The following CTDP1 variants were observed in gnomAD, a reference collection of about 807,000 sequenced individuals.
CTDP1 encodes RNA polymerase II subunit A C-terminal domain phosphatase.
In CTDP1, 47 loss-of-function variants were observed where a neutral mutation model predicts 91.8. That is an observed-to-expected ratio of 0.51 (90% CI 0.41 to 0.65). CTDP1 has a LOEUF of 0.65. Among genes scored for constraint, CTDP1 ranks in the 30% least tolerant of loss-of-function variants. The pLI is 0.00. For synonymous variants in CTDP1, 656 were observed against 598.5 expected (o/e 1.10, Z -1.40); for missense variants, 1,272 against 1,373.7 (o/e 0.93, Z 1.17).
intron 12 of CTDP1, among the ~76,000 whole-genome samples, chr18:79,748,790 T>A (rs1321154024): frequency 6.6e-6 from 1 of 152,122 alleles, no homozygotes; most frequent in Non-Finnish European, 1.5e-5. Flanking sequence ...CATGTCTGTG[T>A]GTGAGCCGTG....
chr18:79,704,632 GCA>G, intron 4 of CTDP1, 133 bp from the exon 5 acceptor site: 1 of 1,178,582 alleles, frequency 8.5e-7, no homozygotes, highest in Non-Finnish European at 1.2e-6. Flanking sequence ...CGCCTGTCGG[GCA>G]CACGCGTGTC....
chr18:79,706,134 C>G (rs73009322), intron 5 of CTDP1, among the ~76,000 whole-genome samples: 17,973 of 152,224 alleles, frequency 0.12, 1,471 homozygotes, highest in Non-Finnish European at 0.18. Flanking sequence ...GGGCCCTTAC[C>G]CAGGTGGGCC....
chr18:79,736,085 C>T lies in CTDP1; in HGVS notation c.2581-270C>T, dbSNP rs188504124. 7.1e-4 allele frequency: 387 copies of T among 541,484 alleles called. 1 individual carries two copies. The highest frequency in any genetic ancestry group is 2.0e-4 in the South Asian group (9 of 45,734). 33.5% of individuals were successfully genotyped at this position (541,484 alleles called of 1,614,324 possible). On this transcript the variant is annotated intron_variant, in intron 11 of 12. Transcript: ENST00000613122. ...CCAACAGTGCACCAGGAATAAAGTCCCTGTTCACATAAGGGACAGAAGGAA... is the reference window on the plus strand; with the variant it reads ...CCAACAGTGCACCAGGAATAAAGTCTCTGTTCACATAAGGGACAGAAGGAA...
Position 79,680,214 on chromosome 18 carries a change from C to T in CTDP1, c.267C>T (p.Gly89=), listed in dbSNP as rs1021090497. The T allele has an allele frequency of 1.5e-6, 2 of 1,372,886 alleles. No homozygotes were observed. Among genetic ancestry groups the T allele is most frequent in the South Asian group, 1.7e-5 (1 of 58,916 alleles). The allele number at this position is 1,372,886 out of a possible 1,614,324, so 85.0% of individuals were successfully genotyped here. The part of the protein sequence containing the change: ...PERRLRSERA[G]VVRELCAQPG... ...GCAGGCTGAGGTCGGAGCGCGCGGG[C>T]GTGGTGCGGGAGCTGTGCGCGCAGC... Residue 89 remains glycine (G), a synonymous_variant, in exon 1 of 13, where the codon GGC becomes GGT. Transcript: ENST00000613122.
rs553675153 is a variant in CTDP1 at position 79,727,526 on chromosome 18, G to A, written c.2418-1381G>A. Reference sequence around the variant, plus strand: ...TTGCGGCGTTCGTGGGATGGGAAGCGCGTGTTCACAGAGGGCCGCCGTGAA... The same window carrying A: ...TTGCGGCGTTCGTGGGATGGGAAGCACGTGTTCACAGAGGGCCGCCGTGAA... On this transcript the variant is annotated intron_variant, in intron 10 of 12. Coordinates refer to ENST00000613122, the MANE Select transcript of CTDP1 (RefSeq NM_004715.5). Among the ~76,000 whole-genome samples, 256 of 152,350 alleles carry A rather than the reference G, an allele frequency of 1.7e-3. 1 individual carries two copies. The highest frequency in any genetic ancestry group is 3.9e-3 in the South Asian group (19 of 4,830).
At chr18:79,741,768 G>A (rs905231570) in intron 12 of CTDP1, among the ~76,000 whole-genome samples, 16 of 152,214 alleles carry the variant, frequency 1.1e-4, no homozygotes, top group Admixed American at 3.3e-4. Flanking sequence ...GGAGGGTTGC[G>A]TGAGCTCCCA....
chr18:79,678,272 C>T (rs1314257684), upstream of CTDP1: 1 of 152,218 alleles, frequency 6.6e-6, no homozygotes, highest in Non-Finnish European at 1.5e-5. Flanking sequence ...CTGTGTTCAC[C>T]TCTTTAAACT....
intron 1 of CTDP1, among the ~76,000 whole-genome samples, chr18:79,684,237 A>G (rs1185492076): frequency 6.6e-6 from 1 of 152,256 alleles, no homozygotes; most frequent in Non-Finnish European, 1.5e-5. Context: ...CAGCATGCTC[A>G]CAGTGCCGAG....
intron 5 of CTDP1, among the ~76,000 whole-genome samples, chr18:79,707,144 T>A (rs891725103): frequency 1.3e-5 from 2 of 152,186 alleles, no homozygotes; most frequent in African/African-American, 4.8e-5. Flanking sequence ...TTTAAATGCT[T>A]GGCTGGAGGG....
chr18:79,697,467 C>T (rs1278617981), intron 3 of CTDP1, among the ~76,000 whole-genome samples: 2 of 152,216 alleles, frequency 1.3e-5, no homozygotes, highest in African/African-American at 2.4e-5. Flanking sequence ...AGATTCTGAG[C>T]GCATTGCCCT....
chr18:79,737,869 A>G (rs541868305), intron 12 of CTDP1, among the ~76,000 whole-genome samples: 1 of 152,216 alleles, frequency 6.6e-6, no homozygotes, highest in East Asian at 1.9e-4. Context: ...CAAATAGAAT[A>G]GGACACGGTG....
chr18:79,678,630 A>G (rs1009590608), upstream of CTDP1: 2 of 152,222 alleles, frequency 1.3e-5, no homozygotes, highest in Non-Finnish European at 2.9e-5. Flanking sequence ...CTAACATGAG[A>G]AAAGTCACCA....
chr18:79,704,504 C>T (rs991547922), intron 4 of CTDP1, among the ~76,000 whole-genome samples: 1 of 151,998 alleles, frequency 6.6e-6, no homozygotes, highest in Non-Finnish European at 1.5e-5. Context: ...TCACATGTGT[C>T]CTCTGTCCCG....
chr18:79,737,103 C>T (rs1014152557), intron 12 of CTDP1, among the ~76,000 whole-genome samples: 14 of 152,230 alleles, frequency 9.2e-5, no homozygotes, highest in African/African-American at 2.7e-4. Context: ...AGCTGAGCAC[C>T]GTGGTTTGCT....
At chr18:79,695,450 C>G (rs1469391700) in intron 2 of CTDP1, 142 bp downstream of exon 2, 6 of 744,236 alleles carry the variant, frequency 8.1e-6, no homozygotes, top group Non-Finnish European at 9.6e-6. Context: ...GGGCCCCATA[C>G]GAGTCACACT....
intron 1 of CTDP1, among the ~76,000 whole-genome samples, chr18:79,682,298 G>C (rs897763193): frequency 2.0e-5 from 3 of 152,208 alleles, no homozygotes; most frequent in Non-Finnish European, 4.4e-5. Flanking sequence ...ACTAGATTCA[G>C]TCACTTGTTG....
chr18:79,735,216 C>T (rs537553738), intron 11 of CTDP1, among the ~76,000 whole-genome samples: 1 of 152,302 alleles, frequency 6.6e-6, no homozygotes, highest in South Asian at 2.1e-4. Context: ...GTTTCTCGTA[C>T]CTGCTGCGGG....
At chr18:79,707,932 G>A (rs1478366888) in intron 5 of CTDP1, among the ~76,000 whole-genome samples, 3 of 152,232 alleles carry the variant, frequency 2.0e-5, no homozygotes, top group Non-Finnish European at 4.4e-5. Context: ...TTTGCGATGC[G>A]TGTCTTTTAT....
At chr18:79,724,321 A>G (rs1278913626) in intron 10 of CTDP1, among the ~76,000 whole-genome samples, 1 of 152,204 alleles carries the variant, frequency 6.6e-6, no homozygotes, top group African/African-American at 2.4e-5. Context: ...TTTCTTTGGG[A>G]TAAATGTCCA....
Sources: allele counts gnomAD v4.1 joint callset (sites outside exome capture counted in the v4.1 genomes callset), GRCh38; gene constraint gnomAD v4.1.1; transcripts MANE v1.5; gene names NCBI Gene and HGNC (gene_info 2026-07-23, HGNC 2026-07-21).